The following TLN2 variants were observed in gnomAD, a reference collection of about 807,000 sequenced individuals.
TLN2 encodes talin 2, also known as talin-2.
TLN2 carries 118 observed loss-of-function variants against 294.7 expected under a neutral mutation model. That is an observed-to-expected ratio of 0.40 (90% confidence interval 0.34 to 0.47). The LOEUF is 0.47. Among genes scored for constraint, TLN2 ranks in the 20% least tolerant of loss-of-function variants. The probability of loss-of-function intolerance (pLI) is 0.84; values close to 1 mark genes in which losing one functional copy is unlikely to be tolerated. For synonymous variants in TLN2, 1,431 were observed against 1,304.5 expected, an observed-to-expected ratio of 1.10 and a Z score of -2.09; for missense variants, 3,083 against 3,282.2, an observed-to-expected ratio of 0.94 and a Z score of 1.48.
chr15:62,677,578 A>G (rs1219143156), intron 11 of TLN2, among the ~76,000 whole-genome samples: 2 of 152,162 alleles, frequency 1.3e-5, no homozygotes, highest in African/African-American at 4.8e-5. Flanking sequence ...GAGAGCAAAG[A>G]TCTTCTCATT....
At chr15:62,503,096 G>A (rs1194924) in intron 1 of TLN2, among the ~76,000 whole-genome samples, 6,413 of 149,624 alleles carry the variant, frequency 0.043, 455 homozygotes, top group African/African-American at 0.15. Context: ...TGGCCAGATT[G>A]CAGACTCTGC....
At chr15:62,594,187 AC>A (rs2046300393) in intron 2 of TLN2, among the ~76,000 whole-genome samples, 1 of 152,150 alleles carries the variant, frequency 6.6e-6, no homozygotes, top group Non-Finnish European at 1.5e-5. Context: ...CCACACAGTT[AC>A]GGTCAATTGA....
Position 62,725,089 on chromosome 15 carries a change from A to C in TLN2, c.3240A>C (p.Pro1080=). 2 of 1,612,258 alleles carry C rather than the reference A, an allele frequency of 1.2e-6. No homozygotes were observed. Among genetic ancestry groups the C allele is most frequent in the South Asian group, 1.1e-5 (1 of 90,868 alleles). The change falls in exon 27 of 59, where the codon CCA becomes CCC. Residue 1080 remains proline, a synonymous_variant. Coordinates refer to ENST00000636159, the MANE Select transcript of TLN2 (RefSeq NM_015059.3). Reference sequence around the variant, plus strand: ...CAGCCGTGGAGAGCCAGCTGAAGCCACTTCCAGGGGAAACGGTGAGCTGTT... The same window carrying C: ...CAGCCGTGGAGAGCCAGCTGAAGCCCCTTCCAGGGGAAACGGTGAGCTGTT... ...KMAAVESQLK[P]LPGETLEKCA... is the part of the protein sequence containing the mutation.
intron 3 of TLN2, among the ~76,000 whole-genome samples, chr15:62,632,038 A>G (rs903721625): frequency 2.0e-5 from 3 of 152,162 alleles, no homozygotes; most frequent in Non-Finnish European, 4.4e-5. Flanking sequence ...AGTGGCTCCA[A>G]AGTCTCTGTG....
Position 62,466,799 on chromosome 15 carries a change from T to C in TLN2, c.-238+76114T>C, listed in dbSNP as rs113243295. On this transcript the variant is annotated intron_variant, in intron 1 of 58. Transcript: ENST00000636159. ...ACAGTTTTCCCCTAAGGAGATTTGA[T>C]TTTGGTTTTATTTTCAGATTTGGGA... Among the ~76,000 whole-genome samples, 248 of 152,340 alleles carry C rather than the reference T, an allele frequency of 1.6e-3. 1 individual carries two copies. The highest frequency in any genetic ancestry group is 2.3e-3 in the Non-Finnish European group (157 of 68,034).
At chr15:62,578,645 A>G (rs1407819506) in intron 1 of TLN2, among the ~76,000 whole-genome samples, 3 of 152,210 alleles carry the variant, frequency 2.0e-5, no homozygotes. Flanking sequence ...GAAAGGTGTG[A>G]ATCCCCATCC....
chr15:62,685,034 A>C (rs2057163491), intron 11 of TLN2, among the ~76,000 whole-genome samples: 1 of 151,674 alleles, frequency 6.6e-6, no homozygotes, highest in South Asian at 2.1e-4. Flanking sequence ...TGAGTTGAAA[A>C]GGTTTTCCTG....
intron 50 of TLN2, 96 bp from the exon 51 acceptor site, chr15:62,805,504 G>A (rs1355904245): frequency 3.7e-6 from 5 of 1,338,624 alleles, no homozygotes; most frequent in Middle Eastern, 2.0e-4. Flanking sequence ...TACTGGCTCA[G>A]TTTTCAGACA....
In TLN2 at chr15:62,736,871, C is replaced by T. The variant is rs746441745; in HGVS notation, c.3359-7C>T. 3 of 1,611,332 alleles carry T rather than the reference C, an allele frequency of 1.9e-6. No homozygotes were observed. Among genetic ancestry groups the T allele is most frequent in the Admixed American group, 1.7e-5 (1 of 59,830 alleles). ...TAATTGGAAATCTGATGGACTTTTT[C>T]CCCCAGGGGTGGCTGCTAGAGAGAC... is the stretch of plus-strand genomic sequence containing the variant. On this transcript the variant is annotated splice_polypyrimidine_tract_variant and splice_region_variant and intron_variant, in intron 28 of 58. Transcript: ENST00000636159.
intron 38 of TLN2, 144 bp downstream of exon 38, chr15:62,761,965 G>A (rs1391763980): frequency 8.8e-7 from 1 of 1,141,512 alleles, no homozygotes; most frequent in African/African-American, 1.5e-5. Flanking sequence ...CATGTGCACA[G>A]TTAGTGAAAC....
intron 1 of TLN2, among the ~76,000 whole-genome samples, chr15:62,559,208 A>T (rs1286959079): frequency 1.3e-5 from 2 of 152,172 alleles, no homozygotes; most frequent in Non-Finnish European, 2.9e-5. Flanking sequence ...GAGAGCTCTA[A>T]ATAGCCTCTT....
chr15:62,436,645 G>A (rs1317466603), intron 1 of TLN2, among the ~76,000 whole-genome samples: 3 of 152,212 alleles, frequency 2.0e-5, no homozygotes. Context: ...CAAGGGACTT[G>A]GAGGAATCAG....
Position 62,441,851 on chromosome 15 carries a change from A to T in TLN2, c.-238+51166A>T, listed in dbSNP as rs564150591. Among the ~76,000 whole-genome samples, 29 of 152,290 alleles carry T rather than the reference A, an allele frequency of 1.9e-4. No individual in the cohort carries two copies. In the East Asian group the frequency reaches 5.6e-3, roughly 29 times the overall value. ...TGGGTTCAGACAAGCTTCCAGATGG[A>T]TAAACACGTGGAGGTTTGTGGCGGG... On this transcript the variant is annotated intron_variant, in intron 1 of 58. Transcript: ENST00000636159.
At chr15:62,516,596 A>G (rs2040202955) in intron 1 of TLN2, among the ~76,000 whole-genome samples, 1 of 152,224 alleles carries the variant, frequency 6.6e-6, no homozygotes, top group Non-Finnish European at 1.5e-5. Flanking sequence ...GCTTCTGGAC[A>G]GCTGTTGCAG....
intron 50 of TLN2, among the ~76,000 whole-genome samples, chr15:62,804,056 G>T (rs1385359999): frequency 1.3e-5 from 2 of 152,106 alleles, no homozygotes; most frequent in Non-Finnish European, 2.9e-5. Context: ...CATCTTGATG[G>T]TCTTGGATAA....
chr15:62,509,868 G>C (rs1020882903), intron 1 of TLN2, among the ~76,000 whole-genome samples: 2 of 152,160 alleles, frequency 1.3e-5, no homozygotes, highest in African/African-American at 4.8e-5. Context: ...GAGAGAATCC[G>C]GTGGCTTTGG....
chr15:62,727,914 A>G (rs943324115), intron 28 of TLN2, among the ~76,000 whole-genome samples: 6 of 152,206 alleles, frequency 3.9e-5, no homozygotes, highest in Admixed American at 1.3e-4. Flanking sequence ...GGAGTGGGTT[A>G]TGGATCATTG....
intron 1 of TLN2, among the ~76,000 whole-genome samples, chr15:62,398,448 G>T (rs2032742708): frequency 6.6e-6 from 1 of 152,156 alleles, no homozygotes; most frequent in Non-Finnish European, 1.5e-5. Context: ...AGAGAGTGGG[G>T]TGCTGCTATA....
chr15:62,692,768 G>C, intron 12 of TLN2, 72 bp from the exon 13 acceptor site: 1 of 1,173,914 alleles, frequency 8.5e-7, no homozygotes, highest in Non-Finnish European at 1.3e-6. Context: ...TTGTTCTAGA[G>C]CTGGACCTGC....
Sources: allele counts gnomAD v4.1 joint callset (sites outside exome capture counted in the v4.1 genomes callset), GRCh38; gene constraint gnomAD v4.1.1; transcripts MANE v1.5; gene names NCBI Gene and HGNC (gene_info 2026-07-23, HGNC 2026-07-21).